SEMA6D: variants seen among roughly 807,000 people sequenced by gnomAD.
SEMA6D encodes semaphorin-6D.
A neutral mutation model predicts 106.6 loss-of-function variants in SEMA6D; 35 were observed. That is an observed-to-expected ratio of 0.33 (90% confidence interval 0.25 to 0.44). The LOEUF is 0.44. Ranked by LOEUF, SEMA6D falls within the 20% of genes least tolerant of loss-of-function variation. SEMA6D has a pLI of 1.00. For synonymous variants in SEMA6D, 499 were observed against 487.7 expected (o/e 1.02, Z -0.31); for missense variants, 1,185 against 1,345.9 (o/e 0.88, Z 1.87).
At chr15:47,763,132 T>C in intron 9 of SEMA6D, 28 bp downstream of exon 9, 1 of 1,555,034 alleles carries the variant, frequency 6.4e-7, no homozygotes, top group Non-Finnish European at 8.8e-7. Context: ...GCTTGAATTG[T>C]GGACTTGTAC....
intron 3 of SEMA6D, among the ~76,000 whole-genome samples, chr15:47,513,165 G>A (rs1863268): frequency 0.081 from 12,240 of 151,678 alleles, 1,317 homozygotes; most frequent in African/African-American, 0.25. Context: ...GGATATTGGG[G>A]AATAACAGTC....
intron 1 of SEMA6D, among the ~76,000 whole-genome samples, chr15:47,213,589 TGCTTA>T (rs2141252437): frequency 6.6e-6 from 1 of 152,364 alleles, no homozygotes; most frequent in African/African-American, 2.4e-5. Flanking sequence ...TGGTCTTACA[TGCTTA>T]GCTATCCCCA....
intron 1 of SEMA6D, among the ~76,000 whole-genome samples, chr15:47,353,514 A>G (rs370500287): frequency 4.6e-5 from 7 of 152,196 alleles, no homozygotes; most frequent in African/African-American, 1.4e-4. Flanking sequence ...AACTAAGGTC[A>G]TACGTTACCT....
intron 1 of SEMA6D, among the ~76,000 whole-genome samples, chr15:47,735,768 A>G (rs1228872350): frequency 6.6e-6 from 1 of 152,180 alleles, no homozygotes; most frequent in Non-Finnish European, 1.5e-5. Flanking sequence ...GCCTGAAGAG[A>G]TGGGGAGCTT....
intron 3 of SEMA6D, among the ~76,000 whole-genome samples, chr15:47,542,157 T>G (rs930478189): frequency 6.6e-6 from 1 of 152,190 alleles, no homozygotes; most frequent in Non-Finnish European, 1.5e-5. Flanking sequence ...AACAAATTTC[T>G]GTAATATTAG....
chr15:47,763,369 C>T (rs1022642382), intron 9 of SEMA6D, among the ~76,000 whole-genome samples: 4 of 152,110 alleles, frequency 2.6e-5, no homozygotes, highest in South Asian at 2.1e-4. Flanking sequence ...TACAGGTACC[C>T]TTGAGCTACG....
At chr15:47,652,190 A>G (rs1476392580) in intron 4 of SEMA6D, among the ~76,000 whole-genome samples, 1 of 152,222 alleles carries the variant, frequency 6.6e-6, no homozygotes, top group Admixed American at 6.5e-5. Flanking sequence ...TAGAAGCTTC[A>G]TTCAAGTAAT....
At chr15:47,234,063 A>G (rs1223063973) in intron 1 of SEMA6D, among the ~76,000 whole-genome samples, 1 of 151,980 alleles carries the variant, frequency 6.6e-6, no homozygotes, top group African/African-American at 2.4e-5. Context: ...AACAGTTGGG[A>G]CAAACAATAT....
chr15:47,287,031 C>CT (rs894572059), intron 1 of SEMA6D, among the ~76,000 whole-genome samples: 1 of 152,270 alleles, frequency 6.6e-6, no homozygotes, highest in African/African-American at 2.4e-5. Flanking sequence ...CTCTCAGACT[C>CT]TGTGTAATGA....
intron 3 of SEMA6D, among the ~76,000 whole-genome samples, chr15:47,575,151 C>T (rs2076134080): frequency 1.3e-5 from 2 of 152,196 alleles, no homozygotes; most frequent in African/African-American, 4.8e-5. Flanking sequence ...CTCATTGAAA[C>T]AAATTAATCG....
At chr15:47,566,316 A>T (rs890871519) in intron 3 of SEMA6D, among the ~76,000 whole-genome samples, 1 of 152,224 alleles carries the variant, frequency 6.6e-6, no homozygotes, top group Non-Finnish European at 1.5e-5. Flanking sequence ...AGTAAGAGGG[A>T]GATTCCTTCT....
intron 4 of SEMA6D, among the ~76,000 whole-genome samples, chr15:47,647,719 C>CAAAAAAA: frequency 1.1e-5 from 1 of 93,776 alleles, no homozygotes. Context: ...CAATTGTGGG[C>CAAAAAAA]AAAAAAAAAA....
intron 4 of SEMA6D, among the ~76,000 whole-genome samples, chr15:47,635,468 GAGATGTTTTTCCCCAGCCAGAC>G (rs1194410197): frequency 6.6e-6 from 1 of 152,176 alleles, no homozygotes; most frequent in African/African-American, 2.4e-5. Flanking sequence ...AGGCCAAGAA[GAGATGTTTTTCCCCAGCCAGAC>G]AGATGTCTTA....
chr15:47,237,108 G>A (rs2032598066), intron 1 of SEMA6D, among the ~76,000 whole-genome samples: 1 of 152,096 alleles, frequency 6.6e-6, no homozygotes, highest in Non-Finnish European at 1.5e-5. Context: ...GGTAGAATTA[G>A]CACACCAATA....
chr15:47,558,025 C>T (rs76417060), intron 3 of SEMA6D, among the ~76,000 whole-genome samples: 2,782 of 152,094 alleles, frequency 0.018, 90 homozygotes, highest in African/African-American at 0.064. Context: ...TGATCAAAAC[C>T]GTGTAAAGCA....
At chr15:47,675,011 A>G (rs1450689441) in intron 4 of SEMA6D, among the ~76,000 whole-genome samples, 2 of 152,216 alleles carry the variant, frequency 1.3e-5, no homozygotes, top group Non-Finnish European at 2.9e-5. Context: ...CAAATAAAAC[A>G]GGCTAAGTTA....
intron 4 of SEMA6D, among the ~76,000 whole-genome samples, chr15:47,611,628 GA>G: frequency 6.6e-6 from 1 of 152,234 alleles, no homozygotes; most frequent in East Asian, 1.9e-4. Flanking sequence ...ATTTGATAAA[GA>G]AAAAATGTGG....
chr15:47,523,179 G>C (rs1244851736), intron 3 of SEMA6D, among the ~76,000 whole-genome samples: 1 of 152,168 alleles, frequency 6.6e-6, no homozygotes, highest in Non-Finnish European at 1.5e-5. Flanking sequence ...TGGGAGGTCA[G>C]CCTCTCTGCC....
At chr15:47,525,088 C>G (rs1183923412) in intron 3 of SEMA6D, 1 of 152,220 alleles carries the variant, frequency 6.6e-6, no homozygotes, top group Non-Finnish European at 1.5e-5. Context: ...GGGTCTTCAT[C>G]TGTCATACTT....
Sources: gnomAD v4.1 joint callset for allele counts (sites outside exome capture counted in the v4.1 genomes callset) on GRCh38, gnomAD v4.1.1 for gene constraint, MANE v1.5 for transcripts, NCBI Gene and HGNC (gene_info 2026-07-23, HGNC 2026-07-21) for gene names.